ZNF596: variants seen among roughly 807,000 people sequenced by gnomAD.
ZNF596 encodes the protein zinc finger protein 596.
A neutral mutation model predicts 48.3 loss-of-function variants in ZNF596; 45 were observed. That is an observed-to-expected ratio of 0.93 (90% CI 0.73 to 1.19). The LOEUF (loss-of-function observed/expected upper bound fraction) is 1.19, where lower values mean the gene tolerates loss of function less well. Ranked by LOEUF, ZNF596 falls within the 50% of genes most tolerant of loss-of-function variation. The pLI is 0.00. For synonymous variants in ZNF596, 270 were observed against 202.0 expected (o/e 1.34, Z -2.85); for missense variants, 848 against 599.7 (o/e 1.41, Z -4.32).
At chr8:236,838 C>G (rs958640446) in intron 1 of ZNF596, among the ~76,000 whole-genome samples, 7 of 152,128 alleles carry the variant, frequency 4.6e-5, no homozygotes, top group Non-Finnish European at 8.8e-5. Context: ...ATGATTTTTG[C>G]AAATGTAAGT....
At chr8:244,731 T>TA in intron 5 of ZNF596, 30 bp downstream of exon 5, 2 of 1,573,946 alleles carry the variant, frequency 1.3e-6, no homozygotes, top group Non-Finnish European at 1.7e-6. Flanking sequence ...ACCCTGTTCT[T>TA]ACATATAGAA....
At chr8:242,770 G>A (rs1419264278) in intron 2 of ZNF596, 117 bp from the exon 3 acceptor site, 1 of 992,480 alleles carries the variant, frequency 1.0e-6, no homozygotes, top group African/African-American at 1.6e-5. Flanking sequence ...CCCAAACACT[G>A]TTTTGAGTTT....
At position 246,750 on chromosome 8, in the gene ZNF596, G is replaced by T. The variant is rs1250747498; in HGVS notation, c.*388G>T. On this transcript the variant is annotated 3_prime_UTR_variant, in exon 6 of 6. Coordinates refer to ENST00000398612, the MANE Select transcript of ZNF596 (RefSeq NM_001042416.3). ...GGCAAGCAACCATATGTCTGTAATT[G>T]CTGTGCACTCTCATTCAGCTAAGCA... 1 of 171,380 alleles carries T rather than the reference G, an allele frequency of 5.8e-6. No homozygotes were observed. The highest frequency in any genetic ancestry group is 1.2e-5 in the Non-Finnish European group (1 of 80,260). The allele number at this position is 171,380 out of a possible 1,614,324, so 10.6% of individuals were successfully genotyped here.
Position 245,422 on chromosome 8 carries a change from A to G in ZNF596, c.575A>G (p.Glu192Gly), listed in dbSNP as rs559803248. Reference sequence around the variant, plus strand: ...CCACACAGTGTGACTCACACTAGAGAGATAACATTGGAATGTCGTGTGTGT... The same window carrying G: ...CCACACAGTGTGACTCACACTAGAGGGATAACATTGGAATGTCGTGTGTGT... ...LRPHSVTHTR[E>G]ITLECRVCGK... The change falls in exon 6 of 6, where the codon GAG (glutamate) becomes GGG (glycine). Residue 192 changes from glutamate (E) to glycine (G), a missense_variant. Transcript: ENST00000398612. 28 of 1,614,212 alleles carry G rather than the reference A, an allele frequency of 1.7e-5. No individual in the cohort carries two copies. The East Asian group carries it at 5.8e-4, about 33-fold the overall frequency.
chr8:239,981 C>T (rs1430782929), intron 1 of ZNF596, among the ~76,000 whole-genome samples: 1 of 152,176 alleles, frequency 6.6e-6, no homozygotes, highest in Non-Finnish European at 1.5e-5. Flanking sequence ...GAGCTCTGTA[C>T]TGGGAACCAG....
intron 1 of ZNF596, among the ~76,000 whole-genome samples, chr8:235,879 A>G (rs1796596551): frequency 6.6e-6 from 1 of 152,190 alleles, no homozygotes; most frequent in African/African-American, 2.4e-5. Flanking sequence ...AGGTTACATG[A>G]AATTTGACAA....
At chr8:242,296 T>C (rs954416941) in intron 2 of ZNF596, among the ~76,000 whole-genome samples, 1 of 152,240 alleles carries the variant, frequency 6.6e-6, no homozygotes, top group South Asian at 2.1e-4. Context: ...TACCAAGTTC[T>C]ATATGAAAGT....
intron 2 of ZNF596, among the ~76,000 whole-genome samples, chr8:242,214 C>G (rs543975009): frequency 6.6e-6 from 1 of 152,328 alleles, no homozygotes; most frequent in Non-Finnish European, 1.5e-5. Flanking sequence ...GCTTGTGCTG[C>G]TGAGCCATTC....
In ZNF596 at chr8:243,713, C is replaced by G; in HGVS notation, c.140-9C>G. 2 of 1,612,700 alleles carry G rather than the reference C, an allele frequency of 1.2e-6. No homozygotes were observed. Among genetic ancestry groups the G allele is most frequent in the Non-Finnish European group, 1.7e-6 (2 of 1,179,162 alleles). Reference sequence around the variant, plus strand: ...ACTCAAAATCCATGTATCTTTTTCCCCAAAACAGGCAAACAGCTCTGCAAA... The same window carrying G: ...ACTCAAAATCCATGTATCTTTTTCCGCAAAACAGGCAAACAGCTCTGCAAA... On this transcript the variant is annotated splice_polypyrimidine_tract_variant and intron_variant, in intron 3 of 5. Transcript: ENST00000398612.
At chr8:235,045 G>C (rs1022644822) in intron 1 of ZNF596, among the ~76,000 whole-genome samples, 1 of 152,148 alleles carries the variant, frequency 6.6e-6, no homozygotes, top group African/African-American at 2.4e-5. Flanking sequence ...AATCAGTATT[G>C]ATCTGGCCAC....
chr8:232,250 A>G (rs1796426847), upstream of ZNF596: 1 of 163,046 alleles, frequency 6.1e-6, no homozygotes, highest in Non-Finnish European at 1.4e-5. Context: ...AAACGCGCGC[A>G]GCGGGGGCGG....
chr8:235,823 T>C (rs1385979517), intron 1 of ZNF596, among the ~76,000 whole-genome samples: 1 of 152,200 alleles, frequency 6.6e-6, no homozygotes, highest in Non-Finnish European at 1.5e-5. Flanking sequence ...TTGTTTAATA[T>C]TGTTATAAAT....
chr8:246,962 CAGAATTCACATGGTGT>C lies in ZNF596; in HGVS notation c.*605_*620del, dbSNP rs1797114458. ...ATACAGCAGCACTTCTATAATAGAT[CAGAATTCACATGGTGT>C]AGAACTCTCAATGACATGAATGGAG... On this transcript the variant is annotated 3_prime_UTR_variant, in exon 6 of 6. Coordinates refer to ENST00000398612, the MANE Select transcript of ZNF596 (RefSeq NM_001042416.3). 1 of 152,730 alleles carries C rather than the reference CAGAATTCACATGGTGT, an allele frequency of 6.5e-6. No homozygotes were observed. The highest frequency in any genetic ancestry group is 1.5e-5 in the Non-Finnish European group (1 of 68,500). The allele number at this position is 152,730 out of a possible 1,614,324, so 9.5% of individuals were successfully genotyped here. A position where few individuals can be genotyped will look rare whatever the true frequency, so the allele number is the denominator to read the frequency against.
chr8:235,446 C>G (rs527869330), intron 1 of ZNF596, among the ~76,000 whole-genome samples: 5 of 151,332 alleles, frequency 3.3e-5, no homozygotes, highest in Non-Finnish European at 7.4e-5. Flanking sequence ...AGTTCATCTA[C>G]TACTTTAACC....
At chr8:239,602 A>G (rs1432048099) in intron 1 of ZNF596, among the ~76,000 whole-genome samples, 3 of 152,202 alleles carry the variant, frequency 2.0e-5, no homozygotes, top group East Asian at 1.9e-4. Context: ...AATATTACAT[A>G]TGAACAGCCA....
At position 240,994 on chromosome 8, in the gene ZNF596, A is replaced by G. The variant is rs570819475; in HGVS notation, c.12+87A>G. ...TTCATCCTATTAACATGGATGTTCT[A>G]AGTGCACTCAAGGATCCAAGCTCCA... On this transcript the variant is annotated intron_variant, in intron 2 of 5. Coordinates refer to ENST00000398612, the MANE Select transcript of ZNF596 (RefSeq NM_001042416.3). 2.0e-5 allele frequency: 29 copies of G among 1,479,464 alleles called. No homozygotes were observed. In the African/African-American group the frequency reaches 3.3e-4, roughly 17 times the overall value. 91.6% of individuals were successfully genotyped at this position (1,479,464 alleles called of 1,614,324 possible).
chr8:242,610 A>G (rs1459285264), intron 2 of ZNF596, among the ~76,000 whole-genome samples: 1 of 152,228 alleles, frequency 6.6e-6, no homozygotes, highest in African/African-American at 2.4e-5. Context: ...CATAATTAGT[A>G]TCTGTAAGTT....
Position 245,862 on chromosome 8 carries a change from C to G in ZNF596, c.1015C>G (p.Leu339Val). ...TGGAGAGAAACCATATGAATGTCAT[C>G]TATGTGGAAAAGCCTTCTCTCATTG... ...HNGEKPYECH[L>V]CGKAFSHCSH... Residue 339 changes from leucine to valine, a missense_variant, in exon 6 of 6, where the codon CTA becomes GTA. Leu to Val is a conservative substitution (Grantham distance 32, BLOSUM62 1). Transcript: ENST00000398612. 1 of 1,613,952 alleles carries G rather than the reference C, an allele frequency of 6.2e-7. No individual in the cohort carries two copies. Among genetic ancestry groups the G allele is most frequent in the Admixed American group, 1.7e-5 (1 of 59,994 alleles).
upstream of ZNF596, chr8:232,428 C>T (rs1311548123): frequency 3.3e-5 from 8 of 242,076 alleles, no homozygotes; most frequent in Non-Finnish European, 7.1e-5. Flanking sequence ...GAGTGCCCTC[C>T]GCTTTTTGTG....
Sources: allele counts gnomAD v4.1 joint callset (sites outside exome capture counted in the v4.1 genomes callset), GRCh38; gene constraint gnomAD v4.1.1; transcripts MANE v1.5; gene names NCBI Gene and HGNC (gene_info 2026-07-23, HGNC 2026-07-21).